The following CDH22 variants were observed in gnomAD, a reference collection of about 807,000 sequenced individuals.
CDH22 encodes the protein cadherin-22.
A neutral mutation model predicts 58.4 loss-of-function variants in CDH22; 30 were observed. The ratio of observed to expected loss-of-function variants is 0.51; its 90% CI spans 0.38 to 0.70. The LOEUF is 0.70. Among genes scored for constraint, CDH22 ranks in the 30% least tolerant of loss-of-function variants. CDH22 has a pLI of 0.00. For synonymous variants in CDH22, 513 were observed against 558.2 expected (o/e 0.92, Z 1.14); for missense variants, 1,014 against 1,233.9 (o/e 0.82, Z 2.67).
At chr20:46,236,854 G>T (rs894372282) in intron 3 of CDH22, among the ~76,000 whole-genome samples, 1 of 151,736 alleles carries the variant, frequency 6.6e-6, no homozygotes, top group Non-Finnish European at 1.5e-5. Context: ...ACCATACCTG[G>T]CTAATTTTTT....
chr20:46,205,266 C>G (rs887303467), intron 7 of CDH22, among the ~76,000 whole-genome samples: 1 of 151,922 alleles, frequency 6.6e-6, no homozygotes, highest in African/African-American at 2.4e-5. Flanking sequence ...GACCATTTCT[C>G]GAGGGCCTGC....
At chr20:46,287,860 T>G (rs2086583129) in intron 1 of CDH22, among the ~76,000 whole-genome samples, 1 of 151,578 alleles carries the variant, frequency 6.6e-6, no homozygotes, top group African/African-American at 2.4e-5. Context: ...AACACGGACA[T>G]GGGAGAGGAG....
At chr20:46,230,305 G>A (rs1418385114) in intron 3 of CDH22, among the ~76,000 whole-genome samples, 3 of 152,168 alleles carry the variant, frequency 2.0e-5, no homozygotes, top group African/African-American at 7.2e-5. Context: ...TCAGCTCTGA[G>A]GGGTGGATGG....
chr20:46,276,662 G>C (rs1457937326), intron 1 of CDH22, among the ~76,000 whole-genome samples: 1 of 152,236 alleles, frequency 6.6e-6, no homozygotes, highest in Non-Finnish European at 1.5e-5. Flanking sequence ...AACATAAGTG[G>C]TGTATCCAGC....
At chr20:46,290,116 G>T (rs954069178) in intron 1 of CDH22, among the ~76,000 whole-genome samples, 1 of 152,190 alleles carries the variant, frequency 6.6e-6, no homozygotes, top group Non-Finnish European at 1.5e-5. Context: ...AATGGGTCAA[G>T]AAATGAAAAC....
chr20:46,269,038 C>T (rs950319130), intron 1 of CDH22, among the ~76,000 whole-genome samples: 12 of 152,196 alleles, frequency 7.9e-5, no homozygotes, highest in Non-Finnish European at 1.2e-4. Flanking sequence ...ATCTCTCTAA[C>T]GATTAGACAT....
chr20:46,292,916 TTGTGTGTGTGTGTG>T (rs74176860), intron 1 of CDH22, among the ~76,000 whole-genome samples: 7 of 143,816 alleles, frequency 4.9e-5, no homozygotes, highest in Admixed American at 2.1e-4. Context: ...CAGCCACTGG[TTGTGTGTGTGTGTG>T]TGTGTGTGTG....
intron 8 of CDH22, among the ~76,000 whole-genome samples, chr20:46,196,640 G>A (rs1164801743): frequency 2.6e-5 from 4 of 152,172 alleles, no homozygotes; most frequent in Middle Eastern, 3.2e-3. Context: ...GAGGAGAGCC[G>A]GGCTCTGGAG....
In CDH22 at chr20:46,210,446, C is replaced by A. The variant is rs774418956; in HGVS notation, c.1147G>T (p.Val383Leu). Residue 383 changes from valine to leucine, a missense_variant, in exon 7 of 12, where the codon GTG becomes TTG. Physicochemically the swap from Val to Leu is conservative, Grantham distance 32. Transcript: ENST00000537909. The surrounding 1 kb of genome is among the most constrained non-coding windows in gnomAD (Gnocchi z 4.5). ...GGCTCGTCCACGTCGGTCACGGCCACGCGCACGATCGCCTGGTCGCGGAAC... is the reference window on the plus strand; with the variant it reads ...GGCTCGTCCACGTCGGTCACGGCCAAGCGCACGATCGCCTGGTCGCGGAAC... Reference protein sequence around the residue: ...GTFRDQAIVRVAVTDVDEPPE... With the variant: ...GTFRDQAIVRLAVTDVDEPPE... 1 of 1,439,930 alleles carries A rather than the reference C, an allele frequency of 6.9e-7. No homozygotes were observed. The highest frequency in any genetic ancestry group is 9.1e-7 in the Non-Finnish European group (1 of 1,094,694). 89.2% of individuals were successfully genotyped at this position (1,439,930 alleles called of 1,614,324 possible). A position where few individuals can be genotyped will look rare whatever the true frequency, so the allele number is the denominator to read the frequency against.
At chr20:46,274,161 A>C (rs1376009417) in intron 1 of CDH22, among the ~76,000 whole-genome samples, 2 of 152,162 alleles carry the variant, frequency 1.3e-5, no homozygotes, top group Non-Finnish European at 2.9e-5. Flanking sequence ...GTCATGCCTG[A>C]TGCTGATTCT....
chr20:46,258,666 G>C (rs1327202956), intron 1 of CDH22, among the ~76,000 whole-genome samples: 1 of 152,208 alleles, frequency 6.6e-6, no homozygotes, highest in Non-Finnish European at 1.5e-5. Flanking sequence ...CCCCAACCCT[G>C]GGTGTGCCCC....
At chr20:46,271,597 C>T (rs1489182901) in intron 1 of CDH22, among the ~76,000 whole-genome samples, 3 of 152,106 alleles carry the variant, frequency 2.0e-5, no homozygotes, top group African/African-American at 4.8e-5. Context: ...CAACATGCAC[C>T]GAGATGGCTT....
intron 7 of CDH22, among the ~76,000 whole-genome samples, chr20:46,200,130 C>G (rs1314392894): frequency 6.6e-6 from 1 of 151,982 alleles, no homozygotes; most frequent in African/African-American, 2.4e-5. Flanking sequence ...CCCGCCACCA[C>G]GCCCGGCTAA....
chr20:46,199,199 C>A (rs928898579), intron 8 of CDH22, among the ~76,000 whole-genome samples: 1 of 152,264 alleles, frequency 6.6e-6, no homozygotes, highest in Admixed American at 6.5e-5. Flanking sequence ...TGCAACCCTG[C>A]TGGATCTTTG....
At chr20:46,185,454 T>C (rs1370039065) in intron 10 of CDH22, among the ~76,000 whole-genome samples, 1 of 152,132 alleles carries the variant, frequency 6.6e-6, no homozygotes, top group East Asian at 1.9e-4. Context: ...CCCACACCAC[T>C]GACTCCCTAT....
intron 1 of CDH22, among the ~76,000 whole-genome samples, chr20:46,297,019 A>G (rs540374468): frequency 1.3e-5 from 2 of 152,082 alleles, no homozygotes; most frequent in Non-Finnish European, 2.9e-5. Context: ...TATGGTCCCA[A>G]ATCCAGGGGC....
intron 1 of CDH22, among the ~76,000 whole-genome samples, chr20:46,293,849 T>C (rs1383069772): frequency 2.0e-5 from 3 of 152,072 alleles, no homozygotes; most frequent in African/African-American, 7.2e-5. Flanking sequence ...ACCCCATCTC[T>C]ACTAAAATAC....
At chr20:46,264,013 A>C (rs1600720869) in intron 1 of CDH22, among the ~76,000 whole-genome samples, 1 of 152,196 alleles carries the variant, frequency 6.6e-6, no homozygotes, top group East Asian at 1.9e-4. Flanking sequence ...AATATTTAGG[A>C]AGCAAAATGG....
At chr20:46,214,604 C>A (rs538977801) in intron 5 of CDH22, among the ~76,000 whole-genome samples, 1 of 152,292 alleles carries the variant, frequency 6.6e-6, no homozygotes, top group South Asian at 2.1e-4. Context: ...CTAGCTTCAG[C>A]CTTGCTGAAG....
Sources: allele counts gnomAD v4.1 joint callset (sites outside exome capture counted in the v4.1 genomes callset), GRCh38; gene constraint gnomAD v4.1.1; non-coding constraint Gnocchi (gnomAD v3.1); transcripts MANE v1.5; gene names NCBI Gene and HGNC (gene_info 2026-07-23, HGNC 2026-07-21).